The following DLC1 variants were observed in gnomAD, a reference collection of about 807,000 sequenced individuals.
DLC1 encodes the protein DLC1 Rho GTPase activating protein.
A neutral mutation model predicts 140.3 loss-of-function variants in DLC1; 54 were observed. The observed-to-expected ratio is 0.38, with a 90% CI of 0.31 to 0.48. DLC1 has a LOEUF of 0.48. Among genes scored for constraint, DLC1 ranks in the 20% least tolerant of loss-of-function variants. The probability of loss-of-function intolerance (pLI) is 0.96; values close to 1 mark genes in which losing one functional copy is unlikely to be tolerated. For missense variants in DLC1, 2,536 were observed against 1,907.0 expected (o/e 1.33, Z -6.14); for synonymous variants, 986 against 728.1 (o/e 1.35, Z -5.70).
chr8:13,598,925 T>A (rs1805772536), intron 1 of DLC1, among the ~76,000 whole-genome samples: 1 of 151,858 alleles, frequency 6.6e-6, no homozygotes. Context: ...AATAAAAAAA[T>A]GAAATTGTAT....
chr8:13,541,556 T>C (rs1036929172), intron 1 of DLC1, among the ~76,000 whole-genome samples: 1 of 152,176 alleles, frequency 6.6e-6, no homozygotes, highest in Non-Finnish European at 1.5e-5. Context: ...TTTATGGATT[T>C]ATTTATTTAT....
intron 4 of DLC1, among the ~76,000 whole-genome samples, chr8:13,371,992 T>C (rs541008775): frequency 6.6e-6 from 1 of 152,284 alleles, no homozygotes; most frequent in South Asian, 2.1e-4. Context: ...TGGTACCTTC[T>C]CAAGAGCCAG....
chr8:13,128,158 T>A (rs570708580), intron 5 of DLC1, among the ~76,000 whole-genome samples: 5 of 152,328 alleles, frequency 3.3e-5, no homozygotes, highest in Admixed American at 3.3e-4. Context: ...ATAGTTCACT[T>A]TTTGGTGCTC....
At chr8:13,376,148 C>T (rs1835972998) in intron 4 of DLC1, among the ~76,000 whole-genome samples, 1 of 152,180 alleles carries the variant, frequency 6.6e-6, no homozygotes, top group South Asian at 2.1e-4. Flanking sequence ...AAACTGATCA[C>T]ATGATTTCTT....
chr8:13,213,580 G>A (rs1003995360), intron 5 of DLC1, among the ~76,000 whole-genome samples: 3 of 152,126 alleles, frequency 2.0e-5, no homozygotes, highest in Non-Finnish European at 2.9e-5. Context: ...TATGAAACTT[G>A]AGAGGCTTTC....
intron 4 of DLC1, among the ~76,000 whole-genome samples, chr8:13,367,802 A>C (rs1186017739): frequency 6.6e-6 from 1 of 152,182 alleles, no homozygotes; most frequent in Non-Finnish European, 1.5e-5. Flanking sequence ...CACCAGGGCA[A>C]GGAAGTGAGA....
intron 2 of DLC1, among the ~76,000 whole-genome samples, chr8:13,443,898 C>T (rs1024752509): frequency 2.6e-5 from 4 of 152,084 alleles, no homozygotes; most frequent in Admixed American, 1.3e-4. Flanking sequence ...CTCCCTATCC[C>T]TATTATCCAG....
intron 5 of DLC1, among the ~76,000 whole-genome samples, chr8:13,129,210 G>C (rs1585715753): frequency 6.6e-6 from 1 of 152,320 alleles, no homozygotes; most frequent in South Asian, 2.1e-4. Flanking sequence ...CAACCCTACA[G>C]CACTGTCTTC....
intron 2 of DLC1, among the ~76,000 whole-genome samples, chr8:13,405,425 A>G (rs1837481396): frequency 1.3e-5 from 2 of 152,188 alleles, no homozygotes; most frequent in Non-Finnish European, 2.9e-5. Context: ...AGTTACTGAT[A>G]TGTCATTTGG....
rs1563550341 is a variant in DLC1, at chr8:13,084,300, AT to A, written c.*1510del. The stretch of plus-strand genomic sequence containing the variant: ...ACTCAAATTTTAAAACTCTAATCTG[AT>A]GCCCTGCCCCAAAATTCTTCAAAGA... On this transcript the variant is annotated 3_prime_UTR_variant, in exon 18 of 18. Transcript: ENST00000276297. 6.6e-6 allele frequency: 1 copy of A among 152,590 alleles called. No individual in the cohort carries two copies. Among genetic ancestry groups the A allele is most frequent in the Non-Finnish European group, 1.5e-5 (1 of 68,020 alleles). The allele number at this position is 152,590 out of a possible 1,614,324, so 9.5% of individuals were successfully genotyped here. A position where few individuals can be genotyped will look rare whatever the true frequency, so the allele number is the denominator to read the frequency against.
intron 5 of DLC1, among the ~76,000 whole-genome samples, chr8:13,208,745 GACACACACACACAC>G (rs56989279): frequency 6.8e-6 from 1 of 147,804 alleles, no homozygotes; most frequent in Admixed American, 6.8e-5. Context: ...CATACACACA[GACACACACACACAC>G]ACACACACAC....
At chr8:13,356,852 T>TA (rs1834963559) in intron 4 of DLC1, among the ~76,000 whole-genome samples, 1 of 151,526 alleles carries the variant, frequency 6.6e-6, no homozygotes, top group African/African-American at 2.4e-5. Context: ...ATTATTTTTT[T>TA]ATTTTTTATT....
chr8:13,302,208 T>C (rs181980535), intron 5 of DLC1, among the ~76,000 whole-genome samples: 1 of 152,274 alleles, frequency 6.6e-6, no homozygotes, highest in African/African-American at 2.4e-5. Flanking sequence ...AAATTCTCAA[T>C]TGAGAAGAGG....
chr8:13,413,831 A>T (rs1837921571), intron 2 of DLC1, among the ~76,000 whole-genome samples: 1 of 152,152 alleles, frequency 6.6e-6, no homozygotes, highest in Non-Finnish European at 1.5e-5. Flanking sequence ...TGAGTCAGTT[A>T]AAGCCCCTTT....
intron 1 of DLC1, among the ~76,000 whole-genome samples, chr8:13,565,902 G>A (rs941716027): frequency 2.0e-5 from 3 of 152,102 alleles, no homozygotes; most frequent in Admixed American, 6.5e-5. Context: ...TATATCCTGT[G>A]TAATAGCCTA....
At chr8:13,398,471 A>T (rs773370164) in intron 3 of DLC1, among the ~76,000 whole-genome samples, 13 of 152,024 alleles carry the variant, frequency 8.6e-5, no homozygotes, top group Admixed American at 7.2e-4. Flanking sequence ...CCAATAATTA[A>T]ATCAAGAAAG....
At chr8:13,471,996 T>C (rs757514222) in intron 2 of DLC1, among the ~76,000 whole-genome samples, 2 of 152,202 alleles carry the variant, frequency 1.3e-5, no homozygotes, top group African/African-American at 2.4e-5. Flanking sequence ...TTGAGGCCTG[T>C]GCAAAACCTA....
chr8:13,524,690 G>A (rs1400876876), intron 1 of DLC1, among the ~76,000 whole-genome samples: 1 of 148,690 alleles, frequency 6.7e-6, no homozygotes, highest in Non-Finnish European at 1.5e-5. Flanking sequence ...CTCATTTTCA[G>A]GTAGTATATT....
At chr8:13,461,267 T>C (rs1380293929) in intron 2 of DLC1, among the ~76,000 whole-genome samples, 2 of 152,246 alleles carry the variant, frequency 1.3e-5, no homozygotes, top group African/African-American at 4.8e-5. Context: ...GAAGCTACCA[T>C]GCCAGGGTAT....
Sources: gnomAD v4.1 joint callset for allele counts (sites outside exome capture counted in the v4.1 genomes callset) on GRCh38, gnomAD v4.1.1 for gene constraint, MANE v1.5 for transcripts, NCBI Gene and HGNC (gene_info 2026-07-23, HGNC 2026-07-21) for gene names.